THSD7B: variants seen among roughly 807,000 people sequenced by gnomAD.
The protein encoded by THSD7B is thrombospondin type-1 domain-containing protein 7B.
THSD7B carries 138 observed loss-of-function variants against 213.6 expected under a neutral mutation model. That is an observed-to-expected ratio of 0.65 (90% CI 0.56 to 0.74). The LOEUF (loss-of-function observed/expected upper bound fraction) is 0.74, where lower values mean the gene tolerates loss of function less well. Ranked by LOEUF, THSD7B falls within the 30% of genes least tolerant of loss-of-function variation. The pLI, the probability that THSD7B is intolerant of heterozygous loss-of-function variation, is 0.00. For synonymous variants in THSD7B, 742 were observed against 687.0 expected (o/e 1.08, Z -1.25); for missense variants, 1,931 against 1,991.5 (o/e 0.97, Z 0.58).
chr2:136,773,046 A>G (rs904469242), intron 1 of THSD7B, among the ~76,000 whole-genome samples: 4 of 152,102 alleles, frequency 2.6e-5, no homozygotes, highest in Non-Finnish European at 4.4e-5. Context: ...CATTCCAGGA[A>G]TGAGCTTTTT....
intron 2 of THSD7B, among the ~76,000 whole-genome samples, chr2:136,965,128 T>TA (rs1237345558): frequency 1.3e-5 from 2 of 152,154 alleles, no homozygotes; most frequent in Non-Finnish European, 2.9e-5. Context: ...TTGCTGTTGC[T>TA]AAGGTCTCTT....
At chr2:137,375,434 C>T (rs1685631742) in intron 12 of THSD7B, among the ~76,000 whole-genome samples, 1 of 152,174 alleles carries the variant, frequency 6.6e-6, no homozygotes, top group Non-Finnish European at 1.5e-5. Flanking sequence ...GAAAGCCTTT[C>T]AATAGCAGGC....
At chr2:136,862,656 T>C (rs1009173237) in intron 1 of THSD7B, among the ~76,000 whole-genome samples, 3 of 152,168 alleles carry the variant, frequency 2.0e-5, no homozygotes, top group Non-Finnish European at 4.4e-5. Flanking sequence ...GAGAAGACCC[T>C]CCAGATGAAG....
chr2:137,074,001 C>T (rs1324314554), intron 3 of THSD7B, among the ~76,000 whole-genome samples: 2 of 152,050 alleles, frequency 1.3e-5, no homozygotes, highest in Non-Finnish European at 2.9e-5. Flanking sequence ...TGCTTTACTT[C>T]CAACTATGTG....
At chr2:137,551,132 C>CA in intron 15 of THSD7B, among the ~76,000 whole-genome samples, 1 of 152,030 alleles carries the variant, frequency 6.6e-6, no homozygotes, top group South Asian at 2.1e-4. Flanking sequence ...AATTATTCTT[C>CA]AAAAAATTAT....
intron 15 of THSD7B, 150 bp downstream of exon 15, chr2:137,451,173 A>C: frequency 1.3e-6 from 1 of 782,150 alleles, no homozygotes; most frequent in Non-Finnish European, 1.8e-6. Context: ...AAATTAAAAT[A>C]ATAGAATTAG....
intron 3 of THSD7B, among the ~76,000 whole-genome samples, chr2:137,076,393 T>G (rs1421733527): frequency 6.6e-6 from 1 of 152,240 alleles, no homozygotes; most frequent in Non-Finnish European, 1.5e-5. Context: ...CCGAGCCATG[T>G]GAGGGATATA....
At chr2:137,407,649 A>G (rs2105007650) in intron 13 of THSD7B, among the ~76,000 whole-genome samples, 1 of 152,142 alleles carries the variant, frequency 6.6e-6, no homozygotes, top group East Asian at 1.9e-4. Context: ...TCAAACTCCA[A>G]AGCCATGTGA....
chr2:137,640,228 C>T (rs1200383770), intron 20 of THSD7B, among the ~76,000 whole-genome samples: 1 of 152,152 alleles, frequency 6.6e-6, no homozygotes, highest in Non-Finnish European at 1.5e-5. Context: ...CTCATGAGAT[C>T]TGATGGGTTT....
chr2:136,910,756 C>G (rs996384519), intron 2 of THSD7B, among the ~76,000 whole-genome samples: 1 of 151,832 alleles, frequency 6.6e-6, no homozygotes, highest in East Asian at 1.9e-4. Context: ...GTAAATATTA[C>G]CCCAAATGAT....
chr2:137,152,959 T>C (rs1324226526), intron 5 of THSD7B, among the ~76,000 whole-genome samples: 1 of 152,198 alleles, frequency 6.6e-6, no homozygotes, highest in Admixed American at 6.5e-5. Flanking sequence ...TGCTTCTCAC[T>C]TCATGAACTG....
chr2:137,633,249 A>T (rs1682774432), intron 20 of THSD7B, among the ~76,000 whole-genome samples: 1 of 152,228 alleles, frequency 6.6e-6, no homozygotes, highest in South Asian at 2.1e-4. Flanking sequence ...CAGCCTAAAA[A>T]GCCACATGAA....
intron 5 of THSD7B, among the ~76,000 whole-genome samples, chr2:137,150,128 G>T (rs2104973683): frequency 6.6e-6 from 1 of 152,016 alleles, no homozygotes; most frequent in South Asian, 2.1e-4. Context: ...TGTAATCCCA[G>T]CTACTCTGGA....
chr2:137,411,855 C>T lies in THSD7B; in HGVS notation c.2942C>T (p.Ser981Phe). The change falls in exon 14 of 28, where the codon TCC becomes TTC. Residue 981 changes from serine to phenylalanine, a missense_variant. Physicochemically the swap from Ser to Phe is radical, Grantham distance 155. Transcript: ENST00000409968. ...AAAAATGGAAGACCTGTTGACCCCT[C>T]CTTCTGCAGCAGCTCTGGTAAGGAG... ...SDKNGRPVDPSFCSSSGYIQE... is the reference protein window; with the variant it reads ...SDKNGRPVDPFFCSSSGYIQE... The T allele has an allele frequency of 1.2e-6, 2 of 1,614,008 alleles. No homozygotes were observed. The highest frequency in any genetic ancestry group is 2.2e-5 in the East Asian group (1 of 44,882).
At chr2:137,426,450 C>T (rs555239418) in intron 14 of THSD7B, among the ~76,000 whole-genome samples, 5 of 152,190 alleles carry the variant, frequency 3.3e-5, no homozygotes, top group African/African-American at 1.2e-4. Flanking sequence ...CTATAGTCAT[C>T]ATTAGCAGTA....
chr2:137,637,329 A>T (rs1364869072), intron 20 of THSD7B, among the ~76,000 whole-genome samples: 1 of 152,196 alleles, frequency 6.6e-6, no homozygotes, highest in Non-Finnish European at 1.5e-5. Flanking sequence ...AACTTATACA[A>T]TCTAAACATC....
At chr2:137,345,531 G>C (rs1007840868) in intron 12 of THSD7B, among the ~76,000 whole-genome samples, 2 of 151,628 alleles carry the variant, frequency 1.3e-5, no homozygotes, top group South Asian at 2.1e-4. Flanking sequence ...AACATAATTT[G>C]AGAAAAAGAA....
chr2:136,982,061 C>G (rs1685585325), intron 2 of THSD7B, among the ~76,000 whole-genome samples: 1 of 152,164 alleles, frequency 6.6e-6, no homozygotes, highest in Non-Finnish European at 1.5e-5. Flanking sequence ...ACACACAAGC[C>G]ACTAACTGTA....
intron 10 of THSD7B, among the ~76,000 whole-genome samples, chr2:137,267,321 TA>T (rs1682613251): frequency 6.6e-6 from 1 of 152,232 alleles, no homozygotes; most frequent in Non-Finnish European, 1.5e-5. Flanking sequence ...ACAGGCACTT[TA>T]ATTTATTGTT....
Sources: gnomAD v4.1 joint callset for allele counts (sites outside exome capture counted in the v4.1 genomes callset) on GRCh38, gnomAD v4.1.1 for gene constraint, MANE v1.5 for transcripts, NCBI Gene and HGNC (gene_info 2026-07-23, HGNC 2026-07-21) for gene names.